ALOX5AP: variants seen among roughly 807,000 people sequenced by gnomAD.
The protein encoded by ALOX5AP is arachidonate 5-lipoxygenase-activating protein.
A neutral mutation model predicts 18.5 loss-of-function variants in ALOX5AP; 9 were observed. The ratio of observed to expected loss-of-function variants is 0.49; its 90% confidence interval spans 0.29 to 0.85. ALOX5AP has a LOEUF of 0.85. ALOX5AP is among the 40% of genes least tolerant of loss of function. The pLI, the probability that ALOX5AP is intolerant of heterozygous loss-of-function variation, is 0.08. For missense variants in ALOX5AP, 172 were observed against 202.5 expected, an observed-to-expected ratio of 0.85 and a Z score of 0.91; for synonymous variants, 81 against 78.6, an observed-to-expected ratio of 1.03 and a Z score of -0.16.
intron 1 of ALOX5AP, among the ~76,000 whole-genome samples, chr13:30,720,858 G>A (rs1275213148): frequency 6.6e-6 from 1 of 152,180 alleles, no homozygotes; most frequent in Non-Finnish European, 1.5e-5. Context: ...TCATCCCTAA[G>A]AGAATGGGTT....
intron 1 of ALOX5AP, among the ~76,000 whole-genome samples, chr13:30,720,145 C>T (rs977034952): frequency 6.6e-6 from 1 of 152,212 alleles, no homozygotes; most frequent in African/African-American, 2.4e-5. Context: ...CAGGCGTGAG[C>T]CACCGCGCCC....
chr13:30,741,265 C>A (rs1013454087), intron 1 of ALOX5AP, among the ~76,000 whole-genome samples: 11 of 150,876 alleles, frequency 7.3e-5, no homozygotes, highest in African/African-American at 2.7e-4. Flanking sequence ...GCCACCACGC[C>A]CAGCTAATTT....
intron 1 of ALOX5AP, among the ~76,000 whole-genome samples, chr13:30,739,965 C>T (rs1360371687): frequency 1.3e-5 from 2 of 152,154 alleles, no homozygotes; most frequent in African/African-American, 4.8e-5. Context: ...TGCGTTTTAC[C>T]CAGCAGTCCT....
intron 4 of ALOX5AP, among the ~76,000 whole-genome samples, chr13:30,758,224 T>C (rs1172566330): frequency 6.6e-6 from 1 of 152,202 alleles, no homozygotes; most frequent in Non-Finnish European, 1.5e-5. Flanking sequence ...GCTTTATGGT[T>C]AAATGCAAGG....
At chr13:30,719,334 C>A (rs1462453861) in intron 1 of ALOX5AP, among the ~76,000 whole-genome samples, 1 of 152,184 alleles carries the variant, frequency 6.6e-6, no homozygotes, top group Non-Finnish European at 1.5e-5. Context: ...TCATTGCATG[C>A]ACATGGTGCA....
chr13:30,764,032 T>C lies in ALOX5AP; in HGVS notation c.412T>C (p.Phe138Leu), dbSNP rs1951968920. 1.9e-6 allele frequency: 3 copies of C among 1,614,162 alleles called. No homozygotes were observed. Among genetic ancestry groups the C allele is most frequent in the Non-Finnish European group, 2.5e-6 (3 of 1,180,010 alleles). The change falls in exon 5 of 5, where the codon TTT becomes CTT. Residue 138 changes from phenylalanine to leucine, a missense_variant. Physicochemically the swap from Phe to Leu is conservative, Grantham distance 22 (BLOSUM62 0). Transcript: ENST00000380490. Reference sequence around the variant, plus strand: ...CATATTCAACTATTACCTCATCTTCTTTTTCGGAAGTGACTTTGAAAACTA... The same window carrying C: ...CATATTCAACTATTACCTCATCTTCCTTTTCGGAAGTGACTTTGAAAACTA... ...AGIFNYYLIFFFGSDFENYIK... is the reference protein window; with the variant it reads ...AGIFNYYLIFLFGSDFENYIK...
Position 30,752,123 on chromosome 13 carries a change from G to A in ALOX5AP, c.241+1G>A. Reference sequence around the variant, plus strand: ...TCTGCGGGGCTACTTTGCAGCCAAGGTAACTCAGACTTCCCTTTGTTCATT... The same window carrying A: ...TCTGCGGGGCTACTTTGCAGCCAAGATAACTCAGACTTCCCTTTGTTCATT... On this transcript the variant is annotated splice_donor_variant, in intron 3 of 4. Transcript: ENST00000380490. LOFTEE classifies it high-confidence loss of function. The A allele has an allele frequency of 6.2e-7, 1 of 1,613,962 alleles. No individual in the cohort carries two copies. The highest frequency in any genetic ancestry group is 8.5e-7 in the Non-Finnish European group (1 of 1,179,834).
chr13:30,717,472 G>A (rs942179049), intron 1 of ALOX5AP, among the ~76,000 whole-genome samples: 10 of 152,192 alleles, frequency 6.6e-5, no homozygotes, highest in African/African-American at 2.2e-4. Flanking sequence ...CAGAGGGCTG[G>A]CCTTTGGAAC....
intron 1 of ALOX5AP, chr13:30,742,297 C>A (rs1480077582): frequency 6.6e-6 from 1 of 151,572 alleles, no homozygotes; most frequent in Non-Finnish European, 1.5e-5. Context: ...GCCTGGGCAA[C>A]AGAGTGAGAC....
At chr13:30,751,952 C>A in intron 2 of ALOX5AP, 100 bp from the exon 3 acceptor site, 1 of 1,135,084 alleles carries the variant, frequency 8.8e-7, no homozygotes. Context: ...ATGTTTCATG[C>A]ACGATGGTGA....
chr13:30,714,872 G>A (rs879922945), intron 1 of ALOX5AP, among the ~76,000 whole-genome samples: 8 of 152,242 alleles, frequency 5.3e-5, no homozygotes, highest in Non-Finnish European at 7.4e-5. Context: ...TTCCTTTGCG[G>A]GCAACTCCGT....
At chr13:30,717,190 T>C in intron 1 of ALOX5AP, among the ~76,000 whole-genome samples, 1 of 152,242 alleles carries the variant, frequency 6.6e-6, no homozygotes, top group East Asian at 1.9e-4. Flanking sequence ...GCCTTAGAGA[T>C]CACCTCTCAG....
intron 1 of ALOX5AP, among the ~76,000 whole-genome samples, chr13:30,721,951 A>G (rs1951597459): frequency 6.6e-6 from 1 of 152,152 alleles, no homozygotes; most frequent in Non-Finnish European, 1.5e-5. Flanking sequence ...GATTTTCCTG[A>G]CATCCTCTAT....
At chr13:30,750,681 T>C (rs1951845284) in intron 2 of ALOX5AP, among the ~76,000 whole-genome samples, 1 of 152,206 alleles carries the variant, frequency 6.6e-6, no homozygotes, top group African/African-American at 2.4e-5. Context: ...ATCCTAATCC[T>C]AGGAACCTGT....
intron 2 of ALOX5AP, among the ~76,000 whole-genome samples, chr13:30,749,255 C>T (rs1396160116): frequency 1.3e-5 from 2 of 152,132 alleles, no homozygotes; most frequent in Non-Finnish European, 1.5e-5. Flanking sequence ...ATCCCTTAGA[C>T]AATTAAGAAT....
intron 2 of ALOX5AP, among the ~76,000 whole-genome samples, chr13:30,750,956 G>A (rs1009602429): frequency 2.0e-5 from 3 of 152,210 alleles, no homozygotes; most frequent in Non-Finnish European, 4.4e-5. Flanking sequence ...GCAAGGAAAT[G>A]GTTTCTCCCC....
chr13:30,743,856 A>G (rs1293856032), intron 1 of ALOX5AP, among the ~76,000 whole-genome samples: 1 of 152,094 alleles, frequency 6.6e-6, no homozygotes, highest in African/African-American at 2.4e-5. Context: ...TGCCTTGCTC[A>G]TGACTGTGTT....
chr13:30,731,395 A>C (rs1014113755), upstream of ALOX5AP, among the ~76,000 whole-genome samples: 3 of 146,750 alleles, frequency 2.0e-5, no homozygotes, highest in African/African-American at 7.6e-5. Context: ...TTTTTTTAAG[A>C]CAGGATCTCC....
chr13:30,762,721 C>T (rs939622780), intron 4 of ALOX5AP, among the ~76,000 whole-genome samples: 1 of 152,028 alleles, frequency 6.6e-6, no homozygotes, highest in Admixed American at 6.5e-5. Context: ...TGGCAGGAAA[C>T]GGCACTTGGC....
Sources: gnomAD v4.1 joint callset for allele counts (sites outside exome capture counted in the v4.1 genomes callset) on GRCh38, gnomAD v4.1.1 for gene constraint, MANE v1.5 for transcripts, NCBI Gene and HGNC (gene_info 2026-07-23, HGNC 2026-07-21) for gene names.